RGS6: variants seen among roughly 807,000 people sequenced by gnomAD.
The protein encoded by RGS6 is regulator of G protein signaling 6.
RGS6 carries 30 observed loss-of-function variants against 78.5 expected under a neutral mutation model. The ratio of observed to expected loss-of-function variants is 0.38; its 90% confidence interval spans 0.29 to 0.52. The LOEUF is 0.52. Among genes scored for constraint, RGS6 ranks in the 20% least tolerant of loss-of-function variants. The pLI is 0.85. For synonymous variants in RGS6, 206 were observed against 206.0 expected (o/e 1.00, Z 0.00); for missense variants, 495 against 609.7 (o/e 0.81, Z 1.98).
At chr14:72,359,217 C>A (rs2529458) in intron 3 of RGS6, among the ~76,000 whole-genome samples, 61,571 of 151,888 alleles carry the variant, frequency 0.41, 15,270 homozygotes, top group African/African-American at 0.71. Context: ...GCATGAGAAC[C>A]GACTAATAGA....
the RGS6 span, among the ~76,000 whole-genome samples, chr14:71,898,165 A>G: frequency 1.3e-5 from 2 of 152,300 alleles, no homozygotes; most frequent in South Asian, 4.1e-4. Flanking sequence ...GCAATTTTCA[A>G]GCATACAATA....
At chr14:71,991,668 T>A (rs546741661) in intron 2 of RGS6, among the ~76,000 whole-genome samples, 2 of 152,350 alleles carry the variant, frequency 1.3e-5, no homozygotes, top group African/African-American at 4.8e-5. Context: ...CCTACTTCCA[T>A]GCTTCTTTTC....
chr14:72,531,431 CAAAAAA>C (rs58751762), intron 15 of RGS6, among the ~76,000 whole-genome samples: 1 of 66,730 alleles, frequency 1.5e-5, no homozygotes, highest in Non-Finnish European at 3.3e-5. Flanking sequence ...GACTTTATCT[CAAAAAA>C]AAAAAAAAAA....
chr14:71,908,306 A>C, the RGS6 span: 1 of 152,260 alleles, frequency 6.6e-6, no homozygotes, highest in African/African-American at 2.4e-5. Context: ...GAAGCGGAAC[A>C]GCAAGGACAG....
intron 2 of RGS6, among the ~76,000 whole-genome samples, chr14:72,147,436 G>A (rs566066091): frequency 6.6e-6 from 1 of 152,186 alleles, no homozygotes; most frequent in Non-Finnish European, 1.5e-5. Context: ...AGGCAGAAGG[G>A]CAAGAGAACA....
chr14:72,283,163 T>C (rs1169521725), intron 2 of RGS6, among the ~76,000 whole-genome samples: 1 of 152,250 alleles, frequency 6.6e-6, no homozygotes, highest in African/African-American at 2.4e-5. Context: ...TTTTCTTTAT[T>C]CTTTCATCCA....
intron 2 of RGS6, among the ~76,000 whole-genome samples, chr14:72,283,994 CAA>C (rs1276364355): frequency 1.3e-5 from 2 of 152,130 alleles, no homozygotes; most frequent in Admixed American, 1.3e-4. Context: ...TATGTTTTAG[CAA>C]AGAGACTGGT....
At chr14:71,981,032 C>G (rs2094422920) in intron 2 of RGS6, among the ~76,000 whole-genome samples, 1 of 146,768 alleles carries the variant, frequency 6.8e-6, no homozygotes. Context: ...TTGCTGATAC[C>G]CTTTCTTCCA....
At chr14:72,304,842 T>A (rs978474388) in intron 2 of RGS6, among the ~76,000 whole-genome samples, 3 of 152,074 alleles carry the variant, frequency 2.0e-5, no homozygotes, top group East Asian at 3.9e-4. Flanking sequence ...ATCGTGAAAC[T>A]GCACTCCAGG....
In RGS6 at chr14:72,548,344, C is replaced by CGCGCGT. The variant is rs2097441648; in HGVS notation, c.1422+8252_1422+8257dup. 1.5e-4 allele frequency among the ~76,000 whole-genome samples: 15 copies of CGCGCGT among 98,660 alleles called. No individual in the cohort carries two copies. The South Asian group carries it at 5.3e-3, about 35-fold the overall frequency. The allele number at this position is 98,660 out of a possible 152,430, so 64.7% of individuals were successfully genotyped here. On this transcript the variant is annotated intron_variant, in intron 17 of 17. Transcript: ENST00000553525. Reference sequence around the variant, plus strand: ...GATCATATTTGTGTGTGTGTGTGTGCGCGCGTGTGTGTGTGTGTGTGTGTG... The same window carrying CGCGCGT: ...GATCATATTTGTGTGTGTGTGTGTGCGCGCGTGCGCGTGTGTGTGTGTGTGTGTGTG...
chr14:72,426,268 C>T (rs1161267110), intron 3 of RGS6, among the ~76,000 whole-genome samples: 1 of 152,068 alleles, frequency 6.6e-6, no homozygotes, highest in African/African-American at 2.4e-5. Context: ...CGCACTGAGA[C>T]TCAGAAAAGT....
Position 72,562,570 on chromosome 14 carries a change from C to T in RGS6, c.*103C>T. ...GTTTCCTTACGAGGAGACTTGGTCA[C>T]TGTGAAGGAGAAAGAGTGAGGGCAA... On this transcript the variant is annotated 3_prime_UTR_variant, in exon 18 of 18. Transcript: ENST00000553525. 1 of 1,565,076 alleles carries T rather than the reference C, an allele frequency of 6.4e-7. No homozygotes were observed. The highest frequency in any genetic ancestry group is 8.6e-7 in the Non-Finnish European group (1 of 1,161,686).
At chr14:72,070,904 G>A (rs954652196) in intron 2 of RGS6, among the ~76,000 whole-genome samples, 20 of 151,034 alleles carry the variant, frequency 1.3e-4, no homozygotes, top group Admixed American at 4.6e-4. Flanking sequence ...TGTTTTGTGC[G>A]TGTGTATTTC....
At chr14:72,398,425 AT>A (rs2091835333) in intron 3 of RGS6, among the ~76,000 whole-genome samples, 1 of 152,036 alleles carries the variant, frequency 6.6e-6, no homozygotes. Flanking sequence ...TATTACATCT[AT>A]TTGATTCTTC....
the RGS6 span, among the ~76,000 whole-genome samples, chr14:71,897,357 A>G: frequency 6.6e-6 from 1 of 152,288 alleles, no homozygotes; most frequent in South Asian, 2.1e-4. Context: ...CCTCTGTAGT[A>G]TTGGGATTAT....
At chr14:71,957,217 C>T (rs1017849472) in intron 1 of RGS6, among the ~76,000 whole-genome samples, 3 of 152,120 alleles carry the variant, frequency 2.0e-5, no homozygotes, top group African/African-American at 7.2e-5. Flanking sequence ...CTCTGAGAGG[C>T]GGAAGCTGGA....
At chr14:72,461,001 G>C (rs1459172022) in intron 6 of RGS6, among the ~76,000 whole-genome samples, 1 of 152,044 alleles carries the variant, frequency 6.6e-6, no homozygotes, top group Non-Finnish European at 1.5e-5. Context: ...AGGCTCTGGG[G>C]CTGTCTGCTT....
intron 2 of RGS6, among the ~76,000 whole-genome samples, chr14:72,059,478 C>T (rs1158964906): frequency 1.3e-5 from 2 of 152,158 alleles, no homozygotes; most frequent in Admixed American, 1.3e-4. Flanking sequence ...GTGAGGTATC[C>T]TGGCACTTCA....
At chr14:71,913,352 G>A in the RGS6 span, among the ~76,000 whole-genome samples, 1 of 152,198 alleles carries the variant, frequency 6.6e-6, no homozygotes, top group Non-Finnish European at 1.5e-5. Context: ...TGCAGAGTCT[G>A]TACTTTCCAT....
Sources: allele counts gnomAD v4.1 joint callset (sites outside exome capture counted in the v4.1 genomes callset), GRCh38; gene constraint gnomAD v4.1.1; transcripts MANE v1.5; gene names NCBI Gene and HGNC (gene_info 2026-07-23, HGNC 2026-07-21).